HEPH: variants seen among roughly 807,000 people sequenced by gnomAD.
HEPH encodes hephaestin.
Under a neutral mutation model 80.8 loss-of-function variants are expected in HEPH, and 69 were observed. The ratio of observed to expected loss-of-function variants is 0.85; its 90% CI spans 0.70 to 1.04. The LOEUF (loss-of-function observed/expected upper bound fraction) is 1.04, where lower values mean the gene tolerates loss of function less well. Ranked by LOEUF, HEPH falls within the 50% of genes least tolerant of loss-of-function variation. The pLI is 0.00. For synonymous variants in HEPH, 431 were observed against 322.8 expected, an observed-to-expected ratio of 1.34 and a Z score of -3.60; for missense variants, 1,115 against 891.3, an observed-to-expected ratio of 1.25 and a Z score of -3.20.
In HEPH at chrX:66,266,749, C is replaced by T. The variant is rs1040874473; in HGVS notation, c.*77C>T. ...GCAGGCCATGGACTAGTCACTAACC[C>T]CACACTCAAAGGGGCATGGGTGGTG... On this transcript the variant is annotated 3_prime_UTR_variant, in exon 21 of 21. Transcript: ENST00000343002. The T allele has an allele frequency of 3.1e-6, 2 of 648,943 alleles. No homozygotes were observed. The highest frequency in any genetic ancestry group is 5.8e-5 in the Admixed American group (2 of 34,777). The allele number at this position is 648,943 out of a possible 1,213,427, so 53.5% of individuals were successfully genotyped here.
intron 4 of HEPH, among the ~76,000 whole-genome samples, chrX:66,181,922 A>T (rs1423202641): frequency 9.1e-6 from 1 of 109,876 alleles, no homozygotes; most frequent in African/African-American, 3.3e-5. Flanking sequence ...ACATATGGCT[A>T]GCCAGTTTTC....
At chrX:66,180,572 C>G (rs1451242590) in intron 4 of HEPH, among the ~76,000 whole-genome samples, 3 of 106,730 alleles carry the variant, frequency 2.8e-5, no homozygotes, top group African/African-American at 1.0e-4. Flanking sequence ...TTTAGATAAC[C>G]TGATGGCAAT....
At chrX:66,244,833 C>A (rs1249044004) in intron 15 of HEPH, among the ~76,000 whole-genome samples, 1 of 107,333 alleles carries the variant, frequency 9.3e-6, no homozygotes, top group African/African-American at 3.4e-5. Context: ...GTTTTTCTTG[C>A]TTTTATATTC....
rs2088599927 is a variant in HEPH, at chrX:66,203,628, A to G, written c.2291+51A>G. 2.8e-6 allele frequency: 3 copies of G among 1,058,420 alleles called. No individual in the cohort carries two copies. The South Asian group carries it at 6.1e-5, about 21-fold the overall frequency. 87.2% of individuals were successfully genotyped at this position (1,058,420 alleles called of 1,213,427 possible). A position where few individuals can be genotyped will look rare whatever the true frequency, so the allele number is the denominator to read the frequency against. On this transcript the variant is annotated intron_variant, in intron 13 of 20. Transcript: ENST00000343002. Reference sequence around the variant, plus strand: ...ACACTTTTAGAAAAACATTTTGCAAATGAGAATACTGAAATTCTGAGATGA... The same window carrying G: ...ACACTTTTAGAAAAACATTTTGCAAGTGAGAATACTGAAATTCTGAGATGA...
intron 15 of HEPH, among the ~76,000 whole-genome samples, chrX:66,226,372 G>A (rs150209523): frequency 1.8e-3 from 203 of 111,789 alleles, no homozygotes; most frequent in South Asian, 0.012. Context: ...GACAATCTAT[G>A]GTCATGCCTC....
In HEPH at chrX:66,207,295, C is replaced by T. The variant is rs747778042; in HGVS notation, c.2392C>T (p.Arg798Trp). The T allele has an allele frequency of 7.5e-6, 9 of 1,200,090 alleles. No homozygotes were observed. Among genetic ancestry groups the T allele is most frequent in the Non-Finnish European group, 9.0e-6 (8 of 888,910 alleles). Residue 798 changes from arginine to tryptophan, a missense_variant, in exon 14 of 21, where the codon CGG (arginine) becomes TGG (tryptophan). Physicochemically the swap from Arg to Trp is moderately radical, Grantham distance 101. This residue lies in a region of HEPH where 716 missense variants were observed against 523.5 expected (regional missense o/e 1.37). Transcript: ENST00000343002. ...EYTDGTFRIP[R>W]PRTGPEEHLG... ...CACTGATGGTACATTCAGGATCCCT[C>T]GGCCAAGGACTGGACCAGAAGAACA... is the stretch of plus-strand genomic sequence containing the variant.
chrX:66,162,686 G>A (rs904666725), upstream of HEPH: 7 of 1,143,978 alleles, frequency 6.1e-6, no homozygotes, highest in African/African-American at 1.3e-4. Flanking sequence ...CCATGGGGCA[G>A]CGCCTAAGTG....
intron 15 of HEPH, among the ~76,000 whole-genome samples, chrX:66,213,315 G>T (rs1030669924): frequency 5.4e-5 from 6 of 110,377 alleles, no homozygotes; most frequent in African/African-American, 9.9e-5. Context: ...ATAGTTTACT[G>T]AGAATGATGA....
chrX:66,210,191 A>G (rs2089034035), intron 15 of HEPH, among the ~76,000 whole-genome samples: 1 of 112,233 alleles, frequency 8.9e-6, no homozygotes, highest in Non-Finnish European at 1.9e-5. Context: ...GGTCATGTCA[A>G]GGATGAAGTA....
chrX:66,235,483 T>G (rs2090326074), intron 15 of HEPH, among the ~76,000 whole-genome samples: 1 of 94,142 alleles, frequency 1.1e-5, no homozygotes, highest in African/African-American at 5.0e-5. Flanking sequence ...GCCTGTTTCA[T>G]TTTTAGCTTT....
chrX:66,169,575 C>T (rs1167891332), intron 1 of HEPH, among the ~76,000 whole-genome samples: 4 of 112,132 alleles, frequency 3.6e-5, no homozygotes, highest in African/African-American at 1.3e-4. Context: ...TATGAATAGC[C>T]TTGGGAATCA....
intron 6 of HEPH, among the ~76,000 whole-genome samples, chrX:66,190,214 G>T (rs1201494791): frequency 9.1e-6 from 1 of 110,000 alleles, no homozygotes; most frequent in Non-Finnish European, 1.9e-5. Context: ...CTTTTAATCA[G>T]CTTTTTATTA....
chrX:66,188,247 T>G (rs371965962), intron 4 of HEPH, 112 bp from the exon 5 acceptor site: 5 of 539,664 alleles, frequency 9.3e-6, no homozygotes, highest in East Asian at 3.7e-5. Context: ...TTTCTGTTGC[T>G]TACAGATTCT....
intron 4 of HEPH, among the ~76,000 whole-genome samples, chrX:66,178,874 A>T (rs190215493): frequency 5.4e-5 from 6 of 111,211 alleles, no homozygotes; most frequent in East Asian, 2.8e-4. Context: ...GATTGCAAAA[A>T]TTTTTTCCCA....
chrX:66,236,839 C>G (rs931481606), intron 15 of HEPH, among the ~76,000 whole-genome samples: 3 of 110,868 alleles, frequency 2.7e-5, no homozygotes, highest in African/African-American at 9.8e-5. Context: ...TTTCCTGGCT[C>G]TGTCTTGGGA....
chrX:66,220,881 T>G (rs761858533), intron 15 of HEPH, among the ~76,000 whole-genome samples: 1 of 111,226 alleles, frequency 9.0e-6, no homozygotes, highest in South Asian at 3.9e-4. Context: ...CTACATACCT[T>G]GCATAGGATA....
intron 15 of HEPH, among the ~76,000 whole-genome samples, chrX:66,240,131 G>A (rs1409315036): frequency 1.8e-5 from 2 of 111,559 alleles, no homozygotes; most frequent in Non-Finnish European, 3.8e-5. Flanking sequence ...AAAATAAGAT[G>A]GGTAATTTCA....
At chrX:66,215,230 A>C (rs758514976) in intron 15 of HEPH, among the ~76,000 whole-genome samples, 5 of 111,390 alleles carry the variant, frequency 4.5e-5, no homozygotes, top group Non-Finnish European at 9.4e-5. Flanking sequence ...TATATTTCTA[A>C]TAGATTATTT....
intron 4 of HEPH, among the ~76,000 whole-genome samples, chrX:66,180,226 G>T (rs1430683011): frequency 9.1e-6 from 1 of 110,296 alleles, no homozygotes; most frequent in Admixed American, 9.7e-5. Context: ...CCTTCAAGAG[G>T]TTCCATTTTT....
Sources: allele counts gnomAD v4.1 joint callset (sites outside exome capture counted in the v4.1 genomes callset), GRCh38; gene constraint gnomAD v4.1.1; regional missense constraint gnomAD v4.1.1; transcripts MANE v1.5; gene names NCBI Gene and HGNC (gene_info 2026-07-23, HGNC 2026-07-21).